The following COL24A1 variants were observed in gnomAD, a reference collection of about 807,000 sequenced individuals.
The protein encoded by COL24A1 is collagen alpha-1(XXIV) chain.
COL24A1 carries 224 observed loss-of-function variants against 253.9 expected under a neutral mutation model. The ratio of observed to expected loss-of-function variants is 0.88; its 90% confidence interval spans 0.79 to 0.99. The LOEUF is 0.99. COL24A1 is among the 50% of genes least tolerant of loss of function. COL24A1 has a pLI of 0.00. For missense variants in COL24A1, 2,131 were observed against 2,068.5 expected (o/e 1.03, Z -0.59); for synonymous variants, 685 against 673.7 (o/e 1.02, Z -0.26).
Position 85,915,940 on chromosome 1 carries a change from A to T in COL24A1, c.2563-4507T>A, listed in dbSNP as rs72954507. 9.3e-3 allele frequency among the ~76,000 whole-genome samples: 1,421 copies of T among 152,302 alleles called. 16 individuals carry two copies. The highest frequency in any genetic ancestry group is 0.032 in the African/African-American group (1,348 of 41,574). Reference sequence around the variant, plus strand: ...AAGTGATAAATCCTTTTTCTAAGACATATGATCTAGGGGAGTGAATGCAGT... The same window carrying T: ...AAGTGATAAATCCTTTTTCTAAGACTTATGATCTAGGGGAGTGAATGCAGT... On this transcript the variant is annotated intron_variant, in intron 24 of 59. Coordinates refer to ENST00000370571, the MANE Select transcript of COL24A1 (RefSeq NM_152890.7).
At chr1:85,814,515 A>G (rs1367487844) in intron 47 of COL24A1, among the ~76,000 whole-genome samples, 3 of 152,228 alleles carry the variant, frequency 2.0e-5, no homozygotes, top group African/African-American at 7.2e-5. Flanking sequence ...ACAGATAATC[A>G]GTGCCACATT....
At chr1:85,813,532 CTTTTTTTTTTTTTT>C (rs765607746) in intron 47 of COL24A1, among the ~76,000 whole-genome samples, 8 of 76,246 alleles carry the variant, frequency 1.0e-4, no homozygotes, top group East Asian at 8.5e-4. Flanking sequence ...TCATTCAGGT[CTTTTTTTTTTTTTT>C]TTTTTTTTTT....
intron 1 of COL24A1, among the ~76,000 whole-genome samples, chr1:86,147,506 T>G (rs974092046): frequency 6.6e-6 from 1 of 152,228 alleles, no homozygotes; most frequent in Admixed American, 6.5e-5. Context: ...GATAAATAAC[T>G]AAACCATATA....
chr1:85,739,730 C>T (rs1251905948), intron 57 of COL24A1, among the ~76,000 whole-genome samples: 1 of 152,156 alleles, frequency 6.6e-6, no homozygotes, highest in African/African-American at 2.4e-5. Context: ...ATGATGCTTT[C>T]AACATGTTGG....
chr1:85,869,677 T>C (rs972752277), intron 35 of COL24A1, among the ~76,000 whole-genome samples: 1 of 152,166 alleles, frequency 6.6e-6, no homozygotes, highest in African/African-American at 2.4e-5. Flanking sequence ...AGGCCTGCCC[T>C]ACAAGAGCTC....
At chr1:85,868,972 A>G (rs1680104532) in intron 35 of COL24A1, 137 bp from the exon 36 acceptor site, 2 of 567,660 alleles carry the variant, frequency 3.5e-6, no homozygotes, top group African/African-American at 3.9e-5. Context: ...TCTAAAGAGG[A>G]TTTGACAGTA....
intron 55 of COL24A1, among the ~76,000 whole-genome samples, chr1:85,747,101 C>A: frequency 9.0e-6 from 1 of 111,248 alleles, no homozygotes; most frequent in East Asian, 2.7e-4. Flanking sequence ...TGAATTATAA[C>A]TTTTTTTTTT....
intron 19 of COL24A1, among the ~76,000 whole-genome samples, chr1:85,995,561 T>TC (rs914516962): frequency 2.0e-5 from 3 of 151,748 alleles, no homozygotes; most frequent in African/African-American, 2.4e-5. Flanking sequence ...AAAAAGCAGA[T>TC]CCCCCCATGG....
At chr1:85,850,055 T>A (rs988244815) in intron 37 of COL24A1, among the ~76,000 whole-genome samples, 1 of 152,098 alleles carries the variant, frequency 6.6e-6, no homozygotes, top group African/African-American at 2.4e-5. Flanking sequence ...AAGGAGGTAA[T>A]CATATAAAAC....
At chr1:86,104,076 C>T (rs1180344871) in intron 5 of COL24A1, among the ~76,000 whole-genome samples, 1 of 152,092 alleles carries the variant, frequency 6.6e-6, no homozygotes, top group Non-Finnish European at 1.5e-5. Context: ...GGGTTTTGTT[C>T]ATTCCTTTTC....
At position 86,012,979 on chromosome 1, in the gene COL24A1, T is replaced by C. The variant is rs1359419; in HGVS notation, c.2310+4172A>G. Among the ~76,000 whole-genome samples, 3 of 152,262 alleles carry C rather than the reference T, an allele frequency of 2.0e-5. No individual in the cohort carries two copies. In the South Asian group the frequency reaches 6.2e-4, roughly 32 times the overall value. On this transcript the variant is annotated intron_variant, in intron 19 of 59. Coordinates refer to ENST00000370571, the MANE Select transcript of COL24A1 (RefSeq NM_152890.7). ...TGGTGGTGGTGGTGGTGGCAGCTAATACATACTGAACATTTCCTATTAACT... is the reference window on the plus strand; with the variant it reads ...TGGTGGTGGTGGTGGTGGCAGCTAACACATACTGAACATTTCCTATTAACT...
chr1:85,821,204 T>C lies in COL24A1; in HGVS notation c.3789+2332A>G, dbSNP rs567450739. The stretch of plus-strand genomic sequence containing the variant: ...CTTTTAAAAAATGTTGGTTCTGCAA[T>C]TGGTTTTGACTTGCTCTAAATTTTT... On this transcript the variant is annotated intron_variant, in intron 45 of 59. Coordinates refer to ENST00000370571, the MANE Select transcript of COL24A1 (RefSeq NM_152890.7). 3.2e-4 allele frequency among the ~76,000 whole-genome samples: 48 copies of C among 152,320 alleles called. No homozygotes were observed. In the Middle Eastern group the frequency reaches 0.01, roughly 32 times the overall value.
At chr1:85,780,381 C>G (rs982087394) in intron 52 of COL24A1, among the ~76,000 whole-genome samples, 2 of 149,366 alleles carry the variant, frequency 1.3e-5, no homozygotes, top group South Asian at 4.6e-4. Flanking sequence ...TTGACCCTTT[C>G]TACTGTGCTC....
intron 19 of COL24A1, among the ~76,000 whole-genome samples, chr1:85,993,903 G>A (rs1484235834): frequency 6.6e-6 from 1 of 151,788 alleles, no homozygotes; most frequent in Non-Finnish European, 1.5e-5. Context: ...TTGTTTTAGA[G>A]GTAATAGCAT....
chr1:85,774,195 G>A (rs1029471880), intron 53 of COL24A1, among the ~76,000 whole-genome samples: 6 of 151,952 alleles, frequency 3.9e-5, no homozygotes, highest in South Asian at 4.2e-4. Flanking sequence ...TATGTTGAAC[G>A]AGCCTTGCAT....
intron 19 of COL24A1, among the ~76,000 whole-genome samples, chr1:86,001,073 G>T (rs553197933): frequency 2.6e-5 from 4 of 151,368 alleles, no homozygotes; most frequent in Non-Finnish European, 5.9e-5. Context: ...TAAGGCAAGT[G>T]ATGTTTTATC....
chr1:85,980,299 C>A (rs938859086), intron 20 of COL24A1, among the ~76,000 whole-genome samples: 1 of 152,158 alleles, frequency 6.6e-6, no homozygotes, highest in Non-Finnish European at 1.5e-5. Context: ...CCGACTTTCA[C>A]CACTGCTATT....
At chr1:85,944,933 A>C (rs534543231) in intron 24 of COL24A1, among the ~76,000 whole-genome samples, 23 of 132,570 alleles carry the variant, frequency 1.7e-4, no homozygotes, top group African/African-American at 5.5e-4. Context: ...TGAACTCATC[A>C]TTTTTTATGG....
Position 85,877,193 on chromosome 1 carries a change from T to G in COL24A1, c.2977-18A>C. 6.4e-7 allele frequency: 1 copy of G among 1,571,572 alleles called. No individual in the cohort carries two copies. Among genetic ancestry groups the G allele is most frequent in the East Asian group, 2.3e-5 (1 of 43,430 alleles). ...CGCAGTCCCTATATTAAAATAAAATTTAAGATATGAGAATAAAAGTTTACT... is the reference window on the plus strand; with the variant it reads ...CGCAGTCCCTATATTAAAATAAAATGTAAGATATGAGAATAAAAGTTTACT... On this transcript the variant is annotated intron_variant, in intron 32 of 59. Transcript: ENST00000370571.
Sources: allele counts gnomAD v4.1 joint callset (sites outside exome capture counted in the v4.1 genomes callset), GRCh38; gene constraint gnomAD v4.1.1; transcripts MANE v1.5; gene names NCBI Gene and HGNC (gene_info 2026-07-23, HGNC 2026-07-21).